PCDHA1: variants seen among roughly 807,000 people sequenced by gnomAD.
The protein encoded by PCDHA1 is protocadherin alpha-1.
Under a neutral mutation model 61.3 loss-of-function variants are expected in PCDHA1, and 42 were observed. The ratio of observed to expected loss-of-function variants is 0.69; its 90% CI spans 0.54 to 0.89. PCDHA1 has a LOEUF of 0.89. Ranked by LOEUF, PCDHA1 falls within the 40% of genes least tolerant of loss-of-function variation. PCDHA1 has a pLI of 0.00. For missense variants in PCDHA1, 1,256 were observed against 1,235.3 expected, an observed-to-expected ratio of 1.02 and a Z score of -0.25; for synonymous variants, 610 against 553.8, an observed-to-expected ratio of 1.10 and a Z score of -1.43.
chr5:140,941,207 C>CTTCCTTTCTTTCTT (rs1563185091), intron 1 of PCDHA1, among the ~76,000 whole-genome samples: 2 of 103,272 alleles, frequency 1.9e-5, no homozygotes, highest in African/African-American at 1.2e-4. Flanking sequence ...TTCTTCCTTT[C>CTTCCTTTCTTTCTT]TTTCTTCCTT....
intron 1 of PCDHA1, chr5:140,876,193 G>A: frequency 6.2e-7 from 1 of 1,613,950 alleles, no homozygotes; most frequent in Non-Finnish European, 8.5e-7. Flanking sequence ...CAATGGTCCG[G>A]CGTTTGATAA....
At chr5:140,884,141 G>C in intron 1 of PCDHA1, 1 of 1,613,422 alleles carries the variant, frequency 6.2e-7, no homozygotes, top group South Asian at 1.1e-5. Flanking sequence ...GTTCCGCGTG[G>C]GGCTGTACAC....
At position 140,917,056 on chromosome 5, in the gene PCDHA1, T is replaced by C. The variant is rs539112715; in HGVS notation, c.2395-61893T>C. Among the ~76,000 whole-genome samples the C allele has an allele frequency of 5.9e-5, 9 of 152,280 alleles. No individual in the cohort carries two copies. The East Asian group carries it at 1.7e-3, about 29-fold the overall frequency. On this transcript the variant is annotated intron_variant, in intron 1 of 3. Transcript: ENST00000504120. ...AGTCCAGCACAGTGTTGTTCCCTGCTACGACAGCACCGAGTTTAATGTAAA... is the reference window on the plus strand; with the variant it reads ...AGTCCAGCACAGTGTTGTTCCCTGCCACGACAGCACCGAGTTTAATGTAAA...
At chr5:140,950,082 A>G (rs2094448240) in intron 1 of PCDHA1, among the ~76,000 whole-genome samples, 1 of 151,916 alleles carries the variant, frequency 6.6e-6, no homozygotes, top group South Asian at 2.1e-4. Flanking sequence ...TGCTTATGCT[A>G]TAGTTTTCAT....
intron 1 of PCDHA1, among the ~76,000 whole-genome samples, chr5:140,922,015 A>G (rs1563050158): frequency 6.6e-6 from 1 of 152,098 alleles, no homozygotes; most frequent in Non-Finnish European, 1.5e-5. Context: ...AGTTTAAAAA[A>G]ATAAATATAA....
intron 1 of PCDHA1, chr5:140,805,424 G>C (rs781903034): frequency 2.8e-6 from 3 of 1,056,844 alleles, no homozygotes; most frequent in Non-Finnish European, 3.4e-6. Context: ...GTTTTTTGTT[G>C]TTGTTTTGGT....
chr5:140,848,486 A>G lies in PCDHA1; in HGVS notation c.2394+59802A>G. On this transcript the variant is annotated intron_variant, in intron 1 of 3. Transcript: ENST00000504120. Reference sequence around the variant, plus strand: ...ATTTTCACTAATTAGAAGAAGACTGAGTATTTGAAATGTTATACTCAAGTC... The same window carrying G: ...ATTTTCACTAATTAGAAGAAGACTGGGTATTTGAAATGTTATACTCAAGTC... 1.3e-6 allele frequency: 2 copies of G among 1,572,848 alleles called. 1 individual carries two copies.
At chr5:140,926,685 A>C in intron 1 of PCDHA1, 1 of 665,408 alleles carries the variant, frequency 1.5e-6, no homozygotes, top group Non-Finnish European at 2.3e-6. Context: ...CCTCCAGCCT[A>C]GCAAGCCCGG....
chr5:140,802,373 C>T, intron 1 of PCDHA1: 5 of 1,614,264 alleles, frequency 3.1e-6, no homozygotes, highest in Non-Finnish European at 3.4e-6. Flanking sequence ...TGACGCCCCA[C>T]GTCCCCTTCA....
intron 1 of PCDHA1, chr5:140,849,905 G>C: frequency 6.3e-7 from 1 of 1,598,320 alleles, no homozygotes; most frequent in Non-Finnish European, 8.6e-7. Flanking sequence ...ACAACCCGCC[G>C]GGCTGCCACA....
chr5:140,868,199 A>G (rs1367327575), intron 1 of PCDHA1: 2 of 152,150 alleles, frequency 1.3e-5, no homozygotes, highest in East Asian at 1.9e-4. Flanking sequence ...TATGGCTTAC[A>G]TTAGAAATAA....
At chr5:140,830,175 A>G in intron 1 of PCDHA1, 7 of 1,613,542 alleles carry the variant, frequency 4.3e-6, no homozygotes, top group Non-Finnish European at 5.9e-6. Flanking sequence ...GCGCTGGTGG[A>G]TGTCAACGTG....
chr5:140,818,756 T>C (rs1766432143), intron 1 of PCDHA1, among the ~76,000 whole-genome samples: 1 of 152,212 alleles, frequency 6.6e-6, no homozygotes, highest in Non-Finnish European at 1.5e-5. Context: ...GAGGATGGCT[T>C]GAGCCTGAGG....
chr5:140,882,888 A>G, intron 1 of PCDHA1: 1 of 1,614,190 alleles, frequency 6.2e-7, no homozygotes. Context: ...GAAATTCAGG[A>G]ACATAGTTTA....
At chr5:140,809,095 C>T (rs1554124995) in intron 1 of PCDHA1, 1 of 1,613,984 alleles carries the variant, frequency 6.2e-7, no homozygotes, top group Non-Finnish European at 8.5e-7. Context: ...CAACGCGTGC[C>T]CTGGACGAAA....
chr5:140,848,600 C>T lies in PCDHA1; in HGVS notation c.2394+59916C>T, dbSNP rs2150414065. On this transcript the variant is annotated intron_variant, in intron 1 of 3. Coordinates refer to ENST00000504120, the MANE Select transcript of PCDHA1 (RefSeq NM_018900.4). ...GGAGCGGCCAGCTCCACTACTCCGT[C>T]CCGGAGGAAGCCGAACACGGCACCT... 7 of 1,593,634 alleles carry T rather than the reference C, an allele frequency of 4.4e-6. No homozygotes were observed. The African/African-American group carries it at 8.1e-5, about 18-fold the overall frequency.
intron 1 of PCDHA1, among the ~76,000 whole-genome samples, chr5:140,934,420 C>T (rs559621314): frequency 1.1e-4 from 16 of 152,184 alleles, no homozygotes; most frequent in Non-Finnish European, 1.8e-4. Flanking sequence ...TTTGCATTAT[C>T]AATGCAAGTG....
At chr5:140,969,529 T>G in intron 1 of PCDHA1, 7 of 1,377,800 alleles carry the variant, frequency 5.1e-6, no homozygotes, top group Non-Finnish European at 6.8e-6. Flanking sequence ...GTTTTATTTT[T>G]CATTTTCAGA....
intron 1 of PCDHA1, chr5:140,828,035 G>A: frequency 3.3e-6 from 5 of 1,537,082 alleles, no homozygotes; most frequent in Non-Finnish European, 4.4e-6. Context: ...GGAACATACA[G>A]TATTTTATCT....
Sources: gnomAD v4.1 joint callset for allele counts (sites outside exome capture counted in the v4.1 genomes callset) on GRCh38, gnomAD v4.1.1 for gene constraint, MANE v1.5 for transcripts, NCBI Gene and HGNC (gene_info 2026-07-23, HGNC 2026-07-21) for gene names.